Variants in PHACTR3 observed in about 807,000 individuals in gnomAD.
The protein encoded by PHACTR3 is protein phosphatase 1, regulatory subunit 123.
Under a neutral mutation model 66.8 loss-of-function variants are expected in PHACTR3, and 16 were observed. The observed-to-expected ratio is 0.24, with a 90% confidence interval of 0.16 to 0.36. The LOEUF is 0.36. Among genes scored for constraint, PHACTR3 ranks in the 10% least tolerant of loss-of-function variants. PHACTR3 has a pLI of 1.00. For missense variants in PHACTR3, 647 were observed against 719.9 expected, an observed-to-expected ratio of 0.90 and a Z score of 1.16; for synonymous variants, 323 against 292.1, an observed-to-expected ratio of 1.11 and a Z score of -1.08.
chr20:59,645,128 T>C (rs1037465930), intron 1 of PHACTR3, among the ~76,000 whole-genome samples: 3 of 152,134 alleles, frequency 2.0e-5, no homozygotes, highest in African/African-American at 7.2e-5. Context: ...TTTGGTTTTC[T>C]ATTTCTGCGT....
At chr20:59,734,446 C>T (rs2038873936) in intron 1 of PHACTR3, among the ~76,000 whole-genome samples, 1 of 152,072 alleles carries the variant, frequency 6.6e-6, no homozygotes, top group Non-Finnish European at 1.5e-5. Context: ...TTTGTAGAGA[C>T]AGGGTCTCAC....
Position 59,598,488 on chromosome 20 carries a change from C to A in PHACTR3, c.109+20871C>A, listed in dbSNP as rs563192331. Reference sequence around the variant, plus strand: ...CCTAGACAGCTTGAGTGGACTTGACCCCAAGGAGGGCTAGGCATATCTCCA... The same window carrying A: ...CCTAGACAGCTTGAGTGGACTTGACACCAAGGAGGGCTAGGCATATCTCCA... On this transcript the variant is annotated intron_variant, in intron 1 of 12. Transcript: ENST00000359926. 5.9e-5 allele frequency among the ~76,000 whole-genome samples: 9 copies of A among 152,218 alleles called. No individual in the cohort carries two copies. In the South Asian group the frequency reaches 1.2e-3, roughly 21 times the overall value.
chr20:59,764,647 T>C (rs2040118989), intron 4 of PHACTR3, among the ~76,000 whole-genome samples: 1 of 152,072 alleles, frequency 6.6e-6, no homozygotes, highest in Non-Finnish European at 1.5e-5. Flanking sequence ...GGTGAGCCAG[T>C]TCCGTGACAT....
chr20:59,604,734 C>G lies in PHACTR3; in HGVS notation c.-281C>G. On this transcript the variant is annotated 5_prime_UTR_variant, in exon 1 of 13. Transcript: ENST00000371015. ...TTTTTTTTTTTCCCTGGAATATAGA[C>G]TGAAGAATGGGAATAAACACGAATA... 1 of 1,076,662 alleles carries G rather than the reference C, an allele frequency of 9.3e-7. No individual in the cohort carries two copies. The highest frequency in any genetic ancestry group is 1.1e-6 in the Non-Finnish European group (1 of 891,608). 66.7% of individuals were successfully genotyped at this position (1,076,662 alleles called of 1,614,324 possible).
chr20:59,603,060 G>A (rs6026991), upstream of PHACTR3, among the ~76,000 whole-genome samples: 1 of 152,200 alleles, frequency 6.6e-6, no homozygotes, highest in Non-Finnish European at 1.5e-5. Context: ...CTCAGTCCAA[G>A]GCTGGCAGGC....
Position 59,847,183 on chromosome 20 carries a change from C to T in PHACTR3, c.*53C>T, listed in dbSNP as rs2059165863. 2.2e-6 allele frequency: 3 copies of T among 1,359,626 alleles called. No homozygotes were observed. The highest frequency in any genetic ancestry group is 2.5e-5 in the South Asian group (2 of 80,342). 84.2% of individuals were successfully genotyped at this position (1,359,626 alleles called of 1,614,324 possible). A position where few individuals can be genotyped will look rare whatever the true frequency, so the allele number is the denominator to read the frequency against. On this transcript the variant is annotated 3_prime_UTR_variant, in exon 13 of 13. Coordinates refer to ENST00000371015, the MANE Select transcript of PHACTR3 (RefSeq NM_080672.5). The stretch of plus-strand genomic sequence containing the variant: ...TTAATTTTTTGATACCAACACTGAA[C>T]ATTCATCAGGGAACTTTCCTGAAGT...
rs1469376435 is a variant in PHACTR3, at chr20:59,605,047, C to A, written c.33C>A (p.Leu11=). MAASEDGSGC[L]VSRGRSQSDP... is the part of the protein sequence containing the mutation. ...CGTCGGAGGACGGGAGCGGCTGCCT[C>A]GTGTCGCGGGGCCGCTCGCAGAGTG... Residue 11 remains leucine (L), a synonymous_variant, in exon 1 of 13, where the codon CTC becomes CTA. Coordinates refer to ENST00000371015, the MANE Select transcript of PHACTR3 (RefSeq NM_080672.5). The A allele has an allele frequency of 2.9e-6, 4 of 1,380,564 alleles. No individual in the cohort carries two copies. The highest frequency in any genetic ancestry group is 3.8e-6 in the Non-Finnish European group (4 of 1,059,020). The allele number at this position is 1,380,564 out of a possible 1,614,324, so 85.5% of individuals were successfully genotyped here.
intron 1 of PHACTR3, among the ~76,000 whole-genome samples, chr20:59,613,146 A>T (rs889649712): frequency 1.6e-4 from 24 of 152,296 alleles, no homozygotes; most frequent in African/African-American, 5.3e-4. Context: ...ACCCTATCGG[A>T]TATGATTTTT....
chr20:59,634,060 C>T (rs59609948), intron 1 of PHACTR3, among the ~76,000 whole-genome samples: 101 of 152,298 alleles, frequency 6.6e-4, no homozygotes, highest in African/African-American at 2.3e-3. Flanking sequence ...CTGCTTACTC[C>T]GTCACTGTTC....
intron 1 of PHACTR3, among the ~76,000 whole-genome samples, chr20:59,687,973 A>T (rs2036962265): frequency 6.6e-6 from 1 of 152,100 alleles, no homozygotes. Flanking sequence ...TGTGTCACTG[A>T]CTGGTGATGT....
In PHACTR3 at chr20:59,736,366, G is replaced by A. The variant is rs2038944089; in HGVS notation, c.119-6741G>A. 6.6e-6 allele frequency among the ~76,000 whole-genome samples: 1 copy of A among 152,104 alleles called. No homozygotes were observed. The highest frequency in any genetic ancestry group is 1.5e-5 in the Non-Finnish European group (1 of 67,996). ...CAGTTCCTCAGGAACTGCAGGGAGA[G>A]ACGGGGAGAGAATTCCTGGAGTGGG... On this transcript the variant is annotated intron_variant, in intron 1 of 12. Coordinates refer to ENST00000371015, the MANE Select transcript of PHACTR3 (RefSeq NM_080672.5). The surrounding 1 kb of genome is among the most constrained non-coding windows in gnomAD (Gnocchi z 4.6).
Position 59,806,047 on chromosome 20 carries a change from T to A in PHACTR3, c.1181T>A (p.Leu394Gln). ...ALNDSIISGT[L>Q]PRKCKKELLA... is the part of the protein sequence containing the mutation. ...CCCTGGATGGGGCTTTTAGGAACAC[T>A]GCCACGGAAATGCAAGAAGGAGCTC... The change falls in exon 8 of 13, where the codon CTG becomes CAG. Residue 394 changes from leucine to glutamine, a missense_variant. Physicochemically the swap from Leu to Gln is moderately radical, Grantham distance 113. This residue lies in a region of PHACTR3 where 577 missense variants were observed against 571.1 expected (regional missense o/e 1.01). Coordinates refer to ENST00000371015, the MANE Select transcript of PHACTR3 (RefSeq NM_080672.5). The A allele has an allele frequency of 1.2e-6, 2 of 1,613,814 alleles. No homozygotes were observed.
At chr20:59,620,709 T>C (rs2079563462) in intron 1 of PHACTR3, among the ~76,000 whole-genome samples, 1 of 152,204 alleles carries the variant, frequency 6.6e-6, no homozygotes, top group Non-Finnish European at 1.5e-5. Context: ...ACTTTCTTCC[T>C]CTTTGTAATT....
At chr20:59,740,946 A>G (rs989840112) in intron 1 of PHACTR3, among the ~76,000 whole-genome samples, 2 of 152,224 alleles carry the variant, frequency 1.3e-5, no homozygotes, top group Non-Finnish European at 2.9e-5. Flanking sequence ...AGCCAGTGGC[A>G]TGCATGGGTG....
At chr20:59,749,827 AT>A (rs565191503) in intron 3 of PHACTR3, among the ~76,000 whole-genome samples, 19 of 151,426 alleles carry the variant, frequency 1.3e-4, no homozygotes, top group South Asian at 4.2e-4. Flanking sequence ...TTTTCTTTTG[AT>A]TTTTTTTTCT....
At chr20:59,846,080 G>A (rs892110262) in intron 12 of PHACTR3, among the ~76,000 whole-genome samples, 9 of 152,136 alleles carry the variant, frequency 5.9e-5, no homozygotes, top group African/African-American at 2.2e-4. Flanking sequence ...GATGCAACAA[G>A]CCTTCAACTG....
intron 4 of PHACTR3, among the ~76,000 whole-genome samples, chr20:59,763,915 G>T (rs375742806): frequency 6.6e-6 from 1 of 152,204 alleles, no homozygotes; most frequent in Non-Finnish European, 1.5e-5. Context: ...GCCTTGCTGG[G>T]TGGAGATGCA....
At chr20:59,749,591 A>G (rs1406366682) in intron 3 of PHACTR3, among the ~76,000 whole-genome samples, 1 of 152,118 alleles carries the variant, frequency 6.6e-6, no homozygotes, top group Non-Finnish European at 1.5e-5. Flanking sequence ...GGCTTACAGA[A>G]TCACTTTAGA....
At chr20:59,795,635 A>G (rs551372895) in intron 7 of PHACTR3, among the ~76,000 whole-genome samples, 1 of 152,212 alleles carries the variant, frequency 6.6e-6, no homozygotes, top group East Asian at 1.9e-4. Flanking sequence ...AGATCTAATA[A>G]TATGTGCTTT....
Sources: gnomAD v4.1 joint callset for allele counts (sites outside exome capture counted in the v4.1 genomes callset) on GRCh38, gnomAD v4.1.1 for gene constraint, gnomAD v4.1.1 regional missense constraint, Gnocchi (gnomAD v3.1) non-coding constraint, MANE v1.5 for transcripts, NCBI Gene and HGNC (gene_info 2026-07-23, HGNC 2026-07-21) for gene names.